EPHA6: variants seen among roughly 807,000 people sequenced by gnomAD.
The protein encoded by EPHA6 is EPH receptor A6.
EPHA6 carries 50 observed loss-of-function variants against 112.0 expected under a neutral mutation model. The observed-to-expected ratio is 0.45, with a 90% CI of 0.36 to 0.56. EPHA6 has a LOEUF of 0.56. Among genes scored for constraint, EPHA6 ranks in the 20% least tolerant of loss-of-function variants. The probability of loss-of-function intolerance (pLI) is 0.00; values close to 1 mark genes in which losing one functional copy is unlikely to be tolerated. For synonymous variants in EPHA6, 529 were observed against 490.7 expected (o/e 1.08, Z -1.03); for missense variants, 1,280 against 1,417.4 (o/e 0.90, Z 1.56).
At chr3:97,680,507 T>C (rs1231130650) in intron 14 of EPHA6, among the ~76,000 whole-genome samples, 1 of 152,212 alleles carries the variant, frequency 6.6e-6, no homozygotes, top group Non-Finnish European at 1.5e-5. Flanking sequence ...GATACTCAAG[T>C]GTGACTAAAT....
intron 2 of EPHA6, among the ~76,000 whole-genome samples, chr3:96,974,823 A>G (rs2042458190): frequency 6.6e-6 from 1 of 152,188 alleles, no homozygotes; most frequent in African/African-American, 2.4e-5. Context: ...CTTAAGATCC[A>G]TATAACAATT....
chr3:97,376,482 G>A (rs868372431), intron 5 of EPHA6, among the ~76,000 whole-genome samples: 7 of 152,124 alleles, frequency 4.6e-5, no homozygotes, highest in South Asian at 2.1e-4. Context: ...AGTCTATTAG[G>A]CTAACAGTAT....
At chr3:97,303,077 C>T (rs1281186296) in intron 5 of EPHA6, among the ~76,000 whole-genome samples, 1 of 151,710 alleles carries the variant, frequency 6.6e-6, no homozygotes, top group East Asian at 1.9e-4. Context: ...CTGCAAAACA[C>T]TAAAGAAAAC....
rs1420458740 is a variant in EPHA6 at position 97,368,360 on chromosome 3, TATG to T, written c.1607-36787_1607-36785del. 4.9e-4 allele frequency among the ~76,000 whole-genome samples: 74 copies of T among 152,276 alleles called. 1 individual carries two copies. Among genetic ancestry groups the T allele is most frequent in the South Asian group, 1.5e-3 (7 of 4,826 alleles). On this transcript the variant is annotated intron_variant, in intron 5 of 17. Coordinates refer to ENST00000389672, the MANE Select transcript of EPHA6 (RefSeq NM_001080448.3). ...TGAAACATATTTAGTTATTTATAAA[TATG>T]ATAAAGAAGTCAACAATACTTCATC...
At chr3:97,291,993 G>T (rs915911925) in intron 5 of EPHA6, among the ~76,000 whole-genome samples, 1 of 152,204 alleles carries the variant, frequency 6.6e-6, no homozygotes, top group Non-Finnish European at 1.5e-5. Flanking sequence ...CGGAGCAGTG[G>T]GGGGTATGTG....
At chr3:97,486,645 G>C (rs1408153716) in intron 10 of EPHA6, among the ~76,000 whole-genome samples, 2 of 152,006 alleles carry the variant, frequency 1.3e-5, no homozygotes, top group East Asian at 3.9e-4. Flanking sequence ...CATGAGGGCT[G>C]AGCCCTCATG....
At chr3:96,937,513 G>C (rs2040663218) in intron 2 of EPHA6, among the ~76,000 whole-genome samples, 1 of 152,106 alleles carries the variant, frequency 6.6e-6, no homozygotes, top group Non-Finnish European at 1.5e-5. Context: ...TTAGCCCTCT[G>C]TCAAATGAGT....
chr3:96,818,441 G>A (rs2032983006), intron 1 of EPHA6, among the ~76,000 whole-genome samples: 2 of 151,910 alleles, frequency 1.3e-5, no homozygotes, highest in Non-Finnish European at 2.9e-5. Flanking sequence ...AATACTTTGT[G>A]AATCGATTTT....
intron 10 of EPHA6, among the ~76,000 whole-genome samples, chr3:97,517,806 A>G (rs2092471265): frequency 6.6e-6 from 1 of 151,960 alleles, no homozygotes; most frequent in African/African-American, 2.4e-5. Context: ...TTCTTCTATT[A>G]GTTCAATATT....
intron 14 of EPHA6, among the ~76,000 whole-genome samples, chr3:97,677,820 A>T (rs752331077): frequency 1.3e-5 from 2 of 152,024 alleles, no homozygotes; most frequent in Non-Finnish European, 2.9e-5. Flanking sequence ...GACAAGGTCC[A>T]GAGTATAACC....
chr3:96,951,177 G>C (rs1053321184), intron 2 of EPHA6, among the ~76,000 whole-genome samples: 1 of 152,002 alleles, frequency 6.6e-6, no homozygotes, highest in Non-Finnish European at 1.5e-5. Flanking sequence ...GTAATATTCT[G>C]CCAACCAGAG....
chr3:97,698,661 A>G (rs2033188053), intron 14 of EPHA6, among the ~76,000 whole-genome samples: 1 of 152,228 alleles, frequency 6.6e-6, no homozygotes. Flanking sequence ...ATATAAAGAA[A>G]AAGTACTGGT....
chr3:97,658,550 T>C (rs578131791), intron 14 of EPHA6, among the ~76,000 whole-genome samples: 17 of 152,052 alleles, frequency 1.1e-4, no homozygotes, highest in African/African-American at 3.9e-4. Context: ...CATGAAACTT[T>C]AATATCTCTA....
intron 2 of EPHA6, among the ~76,000 whole-genome samples, chr3:96,879,012 C>T (rs746011623): frequency 1.2e-4 from 18 of 152,000 alleles, no homozygotes; most frequent in South Asian, 2.1e-4. Flanking sequence ...ATATATTTCA[C>T]GCAATATACA....
intron 10 of EPHA6, among the ~76,000 whole-genome samples, chr3:97,508,588 A>T (rs1474104604): frequency 6.6e-6 from 1 of 152,096 alleles, no homozygotes; most frequent in East Asian, 1.9e-4. Context: ...TATGTGGTCA[A>T]TTTTAGAGTA....
chr3:97,726,155 A>G (rs1394374233), intron 15 of EPHA6, among the ~76,000 whole-genome samples: 3 of 152,178 alleles, frequency 2.0e-5, no homozygotes, highest in East Asian at 1.9e-4. Context: ...CCATTTCTAG[A>G]TAAGATAACT....
intron 3 of EPHA6, among the ~76,000 whole-genome samples, chr3:96,990,332 A>G (rs1469345512): frequency 6.6e-6 from 1 of 152,122 alleles, no homozygotes; most frequent in Non-Finnish European, 1.5e-5. Context: ...GCATCTGTTT[A>G]TCTAGAGCTT....
chr3:97,677,721 TAA>T (rs34686159), intron 14 of EPHA6, among the ~76,000 whole-genome samples: 170 of 92,786 alleles, frequency 1.8e-3, no homozygotes, highest in Non-Finnish European at 2.6e-3. Flanking sequence ...AACTCCATCT[TAA>T]AAAAAAAAAA....
At chr3:97,304,544 A>G (rs111866756) in intron 5 of EPHA6, among the ~76,000 whole-genome samples, 11,895 of 151,982 alleles carry the variant, frequency 0.078, 899 homozygotes, top group Admixed American at 0.21. Context: ...CACAAAAACA[A>G]AAACATAGAC....
Sources: gnomAD v4.1 joint callset for allele counts (sites outside exome capture counted in the v4.1 genomes callset) on GRCh38, gnomAD v4.1.1 for gene constraint, MANE v1.5 for transcripts, NCBI Gene and HGNC (gene_info 2026-07-23, HGNC 2026-07-21) for gene names.